Variants in TRIM49B observed in about 807,000 individuals in gnomAD.
TRIM49B encodes putative tripartite motif-containing protein 49B.
Under a neutral mutation model 31.8 loss-of-function variants are expected in TRIM49B, and 18 were observed. That is an observed-to-expected ratio of 0.57 (90% CI 0.39 to 0.84). TRIM49B has a LOEUF of 0.84. TRIM49B is among the 40% of genes least tolerant of loss of function. The pLI is 0.00. For synonymous variants in TRIM49B, 196 were observed against 180.6 expected, an observed-to-expected ratio of 1.09 and a Z score of -0.68; for missense variants, 494 against 538.7, an observed-to-expected ratio of 0.92 and a Z score of 0.82.
intron 6 of TRIM49B, among the ~76,000 whole-genome samples, chr11:49,036,814 T>G (rs950588609): frequency 7.9e-5 from 12 of 152,308 alleles, no homozygotes; most frequent in African/African-American, 2.9e-4. Flanking sequence ...GGTTTTGTAT[T>G]TTTTTAATGT....
At chr11:49,035,464 A>G (rs1025856225) in intron 5 of TRIM49B, among the ~76,000 whole-genome samples, 1 of 145,974 alleles carries the variant, frequency 6.9e-6, no homozygotes, top group Non-Finnish European at 1.5e-5. Flanking sequence ...GGTTCACACC[A>G]TTCCCCTGCC....
chr11:49,029,951 G>T (rs1229621078), intron 1 of TRIM49B, among the ~76,000 whole-genome samples: 1 of 152,170 alleles, frequency 6.6e-6, no homozygotes, highest in Non-Finnish European at 1.5e-5. Context: ...GTAGCCTATT[G>T]TAGGAACAAT....
In TRIM49B at chr11:49,031,806, T is replaced by G; in HGVS notation, c.207T>G (p.His69Gln). The G allele has an allele frequency of 6.2e-7, 1 of 1,613,998 alleles. No individual in the cohort carries two copies. Among genetic ancestry groups the G allele is most frequent in the Non-Finnish European group, 8.5e-7 (1 of 1,179,874 alleles). ...AGATAAACCTCAAAACCAACATTCA[T>G]TTCAAGAAGATGGCTTCTCTTGCTA... Reference protein sequence around the residue: ...TGQINLKTNIHFKKMASLARK... With the variant: ...TGQINLKTNIQFKKMASLARK... Residue 69 changes from histidine to glutamine, a missense_variant, in exon 2 of 7, where the codon CAT becomes CAG. His to Gln is a conservative substitution (Grantham distance 24). Around this residue, in one of 3 missense-constraint regions of TRIM49B, gnomAD observed 251 missense variants for 232.8 expected, o/e 1.08. Coordinates refer to ENST00000332682, the MANE Select transcript of TRIM49B (RefSeq NM_001206626.2).
Position 49,037,657 on chromosome 11 carries a change from G to A in TRIM49B, c.1039G>A (p.Val347Ile). ...TSGKYYWEVH[V>I]GDSWNWAFGV... ...GGGCAAATATTACTGGGAGGTCCAT[G>A]TAGGGGACTCCTGGAATTGGGCTTT... The change falls in exon 7 of 7, where the codon GTA becomes ATA. Residue 347 changes from valine (V) to isoleucine (I), a missense_variant. This residue lies in a region of TRIM49B where 233 missense variants were observed against 281.4 expected (regional missense o/e 0.83). Coordinates refer to ENST00000332682, the MANE Select transcript of TRIM49B (RefSeq NM_001206626.2). The A allele has an allele frequency of 6.2e-7, 1 of 1,613,964 alleles. No homozygotes were observed. The highest frequency in any genetic ancestry group is 8.5e-7 in the Non-Finnish European group (1 of 1,179,868).
chr11:49,031,435 C>T (rs1355656173), intron 1 of TRIM49B, among the ~76,000 whole-genome samples, 161 bp from the exon 2 acceptor site: 2 of 152,254 alleles, frequency 1.3e-5, no homozygotes, highest in Middle Eastern at 3.4e-3. Context: ...AGGAGACTCC[C>T]TCTATGTGTA....
chr11:49,037,649 A>G lies in TRIM49B; in HGVS notation c.1031A>G (p.Glu344Gly). 1 of 1,613,948 alleles carries G rather than the reference A, an allele frequency of 6.2e-7. No individual in the cohort carries two copies. Among genetic ancestry groups the G allele is most frequent in the Non-Finnish European group, 8.5e-7 (1 of 1,179,872 alleles). ...QTFTSGKYYW[E>G]VHVGDSWNWA... ...TTCACCTCGGGCAAATATTACTGGGAGGTCCATGTAGGGGACTCCTGGAAT... is the reference window on the plus strand; with the variant it reads ...TTCACCTCGGGCAAATATTACTGGGGGGTCCATGTAGGGGACTCCTGGAAT... The change falls in exon 7 of 7, where the codon GAG (glutamate) becomes GGG (glycine). Residue 344 changes from glutamate (E) to glycine (G), a missense_variant. Around this residue, in one of 3 missense-constraint regions of TRIM49B, gnomAD observed 233 missense variants for 281.4 expected, o/e 0.83. Transcript: ENST00000332682.
intron 4 of TRIM49B, 150 bp from the exon 5 acceptor site, chr11:49,034,945 A>C: frequency 2.2e-6 from 3 of 1,385,130 alleles, no homozygotes; most frequent in Non-Finnish European, 2.9e-6. Context: ...GTTTTTCATT[A>C]CAGAAGAAAT....
rs1243050014 is a variant in TRIM49B at position 49,037,393 on chromosome 11, A to G, written c.860-85A>G. 2.0e-6 allele frequency: 3 copies of G among 1,477,784 alleles called. No homozygotes were observed. In the African/African-American group the frequency reaches 4.3e-5, roughly 21 times the overall value. 91.5% of individuals were successfully genotyped at this position (1,477,784 alleles called of 1,614,324 possible). On this transcript the variant is annotated intron_variant, in intron 6 of 6. Transcript: ENST00000332682. ...TACAAGCAAAACTTTTTATGACTTT[A>G]CATTTGCTGGTAAAGTAACTTCTTG...
rs373156876 is a variant in TRIM49B, at chr11:49,032,398, C to T, written c.507+27C>T. ...TTAGTCCTGTACTACTCTACCTTCT[C>T]CAGGAACTTATGGTGGGCAAATGGG... is the stretch of plus-strand genomic sequence containing the variant. On this transcript the variant is annotated intron_variant, in intron 3 of 6. Transcript: ENST00000332682. 5.3e-5 allele frequency: 85 copies of T among 1,611,610 alleles called. 2 individuals are homozygous for T. The South Asian group carries it at 8.6e-4, about 16-fold the overall frequency.
intron 6 of TRIM49B, among the ~76,000 whole-genome samples, 178 bp from the exon 7 acceptor site, chr11:49,037,297 CATA>C (rs1854544207): frequency 6.6e-6 from 1 of 151,624 alleles, no homozygotes; most frequent in Non-Finnish European, 1.5e-5. Context: ...TTCAAAAAAA[CATA>C]ATATCTGTGG....
At chr11:49,031,441 G>A (rs1336318423) in intron 1 of TRIM49B, among the ~76,000 whole-genome samples, 155 bp from the exon 2 acceptor site, 1 of 152,160 alleles carries the variant, frequency 6.6e-6, no homozygotes, top group African/African-American at 2.4e-5. Context: ...CTCCCTCTAT[G>A]TGTAAATTTT....
At chr11:49,032,905 T>C (rs1466217911) in intron 3 of TRIM49B, among the ~76,000 whole-genome samples, 1 of 152,060 alleles carries the variant, frequency 6.6e-6, no homozygotes, top group Non-Finnish European at 1.5e-5. Flanking sequence ...ATGAGAAAAG[T>C]GGTGAGAAAT....
At chr11:49,036,806 T>C (rs1854535724) in intron 6 of TRIM49B, among the ~76,000 whole-genome samples, 1 of 152,064 alleles carries the variant, frequency 6.6e-6, no homozygotes, top group Non-Finnish European at 1.5e-5. Context: ...TTCTTGGGGG[T>C]TTTGTATTTT....
intron 2 of TRIM49B, 108 bp from the exon 3 acceptor site, chr11:49,032,168 G>A: frequency 6.2e-7 from 1 of 1,601,520 alleles, no homozygotes; most frequent in Non-Finnish European, 8.5e-7. Flanking sequence ...CAAACATGAA[G>A]GGAAACAAAG....
chr11:49,031,791 C>G lies in TRIM49B; in HGVS notation c.192C>G (p.Leu64=), dbSNP rs1022463539. ...ECTKSTGQIN[L]KTNIHFKKMA... Reference sequence around the variant, plus strand: ...CAAAGTCAACAGGGCAGATAAACCTCAAAACCAACATTCATTTCAAGAAGA... The same window carrying G: ...CAAAGTCAACAGGGCAGATAAACCTGAAAACCAACATTCATTTCAAGAAGA... The change falls in exon 2 of 7, where the codon CTC becomes CTG. Residue 64 remains leucine, a synonymous_variant. Coordinates refer to ENST00000332682, the MANE Select transcript of TRIM49B (RefSeq NM_001206626.2). 3.0e-5 allele frequency: 49 copies of G among 1,613,876 alleles called. No homozygotes were observed. Among genetic ancestry groups the G allele is most frequent in the Non-Finnish European group, 4.2e-5 (49 of 1,179,882 alleles).
In TRIM49B at chr11:49,030,207, C is replaced by T. The variant is rs189896226; in HGVS notation, c.-5+1232C>T. 1.7e-3 allele frequency among the ~76,000 whole-genome samples: 258 copies of T among 152,192 alleles called. 1 individual carries two copies. Among genetic ancestry groups the T allele is most frequent in the Non-Finnish European group, 3.2e-3 (220 of 67,998 alleles). Reference sequence around the variant, plus strand: ...CAAAAATTAGCCAGGCCTAGTGTCACGTTCCTGTAATCCCAGGTACTTGGG... The same window carrying T: ...CAAAAATTAGCCAGGCCTAGTGTCATGTTCCTGTAATCCCAGGTACTTGGG... On this transcript the variant is annotated intron_variant, in intron 1 of 6. Coordinates refer to ENST00000332682, the MANE Select transcript of TRIM49B (RefSeq NM_001206626.2).
chr11:49,035,017 T>C lies in TRIM49B; in HGVS notation c.739-78T>C, dbSNP rs1854502259. 5.6e-6 allele frequency: 9 copies of C among 1,592,926 alleles called. No homozygotes were observed. The Admixed American group carries it at 1.6e-4, about 28-fold the overall frequency. On this transcript the variant is annotated intron_variant, in intron 4 of 6. Transcript: ENST00000332682. The stretch of plus-strand genomic sequence containing the variant: ...GGGAATAATATCTTCAGAAACTGAG[T>C]ACAAATCTCACACTGAACTTAGTGA...
chr11:49,033,717 G>A (rs1254111210), intron 3 of TRIM49B, among the ~76,000 whole-genome samples: 1 of 152,198 alleles, frequency 6.6e-6, no homozygotes. Context: ...TGGGTGAAAT[G>A]CACTTAGCTG....
At chr11:49,035,504 C>A (rs541484956) in intron 5 of TRIM49B, among the ~76,000 whole-genome samples, 1 of 151,674 alleles carries the variant, frequency 6.6e-6, no homozygotes, top group African/African-American at 2.4e-5. Context: ...GGACTACAGG[C>A]GCCCGCCACC....
Sources: gnomAD v4.1 joint callset for allele counts (sites outside exome capture counted in the v4.1 genomes callset) on GRCh38, gnomAD v4.1.1 for gene constraint, gnomAD v4.1.1 regional missense constraint, MANE v1.5 for transcripts, NCBI Gene and HGNC (gene_info 2026-07-23, HGNC 2026-07-21) for gene names.